The following CNST variants were observed in gnomAD, a reference collection of about 807,000 sequenced individuals.
CNST encodes the protein consortin.
Under a neutral mutation model 72.4 loss-of-function variants are expected in CNST, and 39 were observed. That is an observed-to-expected ratio of 0.54 (90% confidence interval 0.42 to 0.70). The LOEUF is 0.70. Ranked by LOEUF, CNST falls within the 30% of genes least tolerant of loss-of-function variation. The probability of loss-of-function intolerance (pLI) is 0.00; values close to 1 mark genes in which losing one functional copy is unlikely to be tolerated. For missense variants in CNST, 871 were observed against 868.5 expected (o/e 1.00, Z -0.04); for synonymous variants, 332 against 320.1 (o/e 1.04, Z -0.40).
intron 6 of CNST, among the ~76,000 whole-genome samples, chr1:246,636,987 G>T (rs1029941783): frequency 6.6e-6 from 1 of 152,158 alleles, no homozygotes; most frequent in Non-Finnish European, 1.5e-5. Flanking sequence ...GGATATTCCC[G>T]TATTAAGACT....
At chr1:246,600,872 A>G (rs1483873977) in intron 2 of CNST, among the ~76,000 whole-genome samples, 2 of 152,150 alleles carry the variant, frequency 1.3e-5, no homozygotes, top group African/African-American at 2.4e-5. Context: ...TAGATTTTAC[A>G]TGTGAGGAAG....
chr1:246,582,356 C>CTT (rs35015648), intron 1 of CNST, among the ~76,000 whole-genome samples: 8 of 144,576 alleles, frequency 5.5e-5, no homozygotes, highest in South Asian at 2.2e-4. Flanking sequence ...CACCTCCATG[C>CTT]TTTTTTTTTT....
At chr1:246,574,366 A>C (rs1660258550) in intron 1 of CNST, among the ~76,000 whole-genome samples, 1 of 152,214 alleles carries the variant, frequency 6.6e-6, no homozygotes, top group Non-Finnish European at 1.5e-5. Flanking sequence ...TAAAAAGATA[A>C]ATAAATTTTA....
chr1:246,658,551 C>T (rs1052558643), intron 9 of CNST, among the ~76,000 whole-genome samples: 1 of 152,080 alleles, frequency 6.6e-6, no homozygotes, highest in African/African-American at 2.4e-5. Context: ...CTATTTGGCC[C>T]TAAAAGCCCT....
intron 2 of CNST, among the ~76,000 whole-genome samples, chr1:246,598,358 T>C (rs1662029951): frequency 6.6e-6 from 1 of 152,182 alleles, no homozygotes; most frequent in Admixed American, 6.5e-5. Flanking sequence ...GATTTGACTT[T>C]AAGTCCATTT....
chr1:246,662,085 G>A (rs1454037935), intron 10 of CNST, among the ~76,000 whole-genome samples: 1 of 152,168 alleles, frequency 6.6e-6, no homozygotes, highest in Admixed American at 6.5e-5. Flanking sequence ...TTTAAAATAA[G>A]GAGAATAACA....
chr1:246,635,798 G>A (rs1238940546), intron 6 of CNST, among the ~76,000 whole-genome samples: 3 of 152,178 alleles, frequency 2.0e-5, no homozygotes, highest in African/African-American at 2.4e-5. Flanking sequence ...TGGCAGGACC[G>A]TAATATTCGA....
At chr1:246,578,275 T>A (rs772826443) in intron 1 of CNST, among the ~76,000 whole-genome samples, 1 of 152,068 alleles carries the variant, frequency 6.6e-6, no homozygotes, top group African/African-American at 2.4e-5. Flanking sequence ...CGAGACAGTG[T>A]CTACTAAATA....
At chr1:246,580,947 C>T (rs1196381730) in intron 1 of CNST, among the ~76,000 whole-genome samples, 1 of 152,100 alleles carries the variant, frequency 6.6e-6, no homozygotes, top group African/African-American at 2.4e-5. Flanking sequence ...CCATGTTGGC[C>T]AGGCTGGTCT....
intron 1 of CNST, among the ~76,000 whole-genome samples, chr1:246,570,737 C>T (rs1486923443): frequency 6.6e-6 from 1 of 152,140 alleles, no homozygotes; most frequent in Admixed American, 6.5e-5. Flanking sequence ...TTTATTGGCA[C>T]CCTTTTAGTT....
chr1:246,641,988 A>G lies in CNST; in HGVS notation c.888A>G (p.Leu296=), dbSNP rs1414466061. 6.2e-7 allele frequency: 1 copy of G among 1,613,010 alleles called. No homozygotes were observed. The highest frequency in any genetic ancestry group is 1.7e-5 in the Admixed American group (1 of 59,840). ...KSQERKCSTQ[L]LVSEDPKEGG... The stretch of plus-strand genomic sequence containing the variant: ...AGGAAAGGAAATGCTCCACGCAGTT[A>G]CTAGTGTCTGAAGATCCAAAGGAAG... Residue 296 remains leucine, a synonymous_variant, in exon 8 of 11, where the codon TTA becomes TTG. Transcript: ENST00000366513.
intron 3 of CNST, among the ~76,000 whole-genome samples, chr1:246,622,910 A>C (rs1572193044): frequency 6.6e-6 from 1 of 151,724 alleles, no homozygotes; most frequent in Non-Finnish European, 1.5e-5. Flanking sequence ...TGTAATCTCC[A>C]CCTCCCAGAT....
At chr1:246,652,738 C>G (rs1227236895) in intron 9 of CNST, among the ~76,000 whole-genome samples, 1 of 151,956 alleles carries the variant, frequency 6.6e-6, no homozygotes, top group East Asian at 1.9e-4. Flanking sequence ...GGCACAGTGG[C>G]TCACGCCTGT....
chr1:246,591,513 C>T lies in CNST; in HGVS notation c.-50C>T, dbSNP rs772788641. On this transcript the variant is annotated splice_region_variant and 5_prime_UTR_variant, in exon 2 of 11. Transcript: ENST00000366513. ...GCTTTTTTCTTTTTGTCATTGTAGA[C>T]ATGGAAGGTCTTTAATGTAACTTTA... 6.2e-7 allele frequency: 1 copy of T among 1,600,168 alleles called. No homozygotes were observed.
At chr1:246,608,732 C>T (rs745570226) in intron 2 of CNST, among the ~76,000 whole-genome samples, 6 of 152,276 alleles carry the variant, frequency 3.9e-5, no homozygotes, top group South Asian at 2.1e-4. Context: ...CTTGTTCCCA[C>T]GCATTTTTCA....
Position 246,631,912 on chromosome 1 carries a change from C to G in CNST, c.604C>G (p.Gln202Glu). The change falls in exon 4 of 11, where the codon CAG becomes GAG. Residue 202 changes from glutamine (Q) to glutamate (E), a missense_variant. Gln to Glu is a conservative substitution (Grantham distance 29). Coordinates refer to ENST00000366513, the MANE Select transcript of CNST (RefSeq NM_152609.3). ...TTAACAGATAGCAGAATCCTATTTC[C>G]AGGAGGAGGACTGTATCCTTTTCTT... ...CLHQIAESYF[Q>E]EEDYEKAMKF... The G allele has an allele frequency of 6.5e-7, 1 of 1,549,266 alleles. No homozygotes were observed. The highest frequency in any genetic ancestry group is 1.2e-5 in the South Asian group (1 of 85,514).
At chr1:246,662,473 C>T (rs1267401360) in intron 10 of CNST, among the ~76,000 whole-genome samples, 1 of 152,228 alleles carries the variant, frequency 6.6e-6, no homozygotes, top group African/African-American at 2.4e-5. Context: ...GCTGCAACCT[C>T]CGCCTCCCGA....
chr1:246,586,682 C>T (rs910915822), intron 1 of CNST, among the ~76,000 whole-genome samples: 1 of 151,834 alleles, frequency 6.6e-6, no homozygotes, highest in Non-Finnish European at 1.5e-5. Flanking sequence ...GTTATATAGC[C>T]CAACATATAA....
chr1:246,664,855 C>T (rs1170871630), intron 10 of CNST, among the ~76,000 whole-genome samples: 5 of 152,126 alleles, frequency 3.3e-5, no homozygotes, highest in Non-Finnish European at 7.4e-5. Context: ...GATCAGAAGA[C>T]TTTTTGGTCT....
Sources: gnomAD v4.1 joint callset for allele counts (sites outside exome capture counted in the v4.1 genomes callset) on GRCh38, gnomAD v4.1.1 for gene constraint, MANE v1.5 for transcripts, NCBI Gene and HGNC (gene_info 2026-07-23, HGNC 2026-07-21) for gene names.